Variants in CEP85L observed in about 807,000 individuals in gnomAD.
The protein encoded by CEP85L is centrosomal protein of 85 kDa-like.
CEP85L carries 60 observed loss-of-function variants against 100.3 expected under a neutral mutation model. That is an observed-to-expected ratio of 0.60 (90% CI 0.49 to 0.74). The LOEUF is 0.74. Ranked by LOEUF, CEP85L falls within the 30% of genes least tolerant of loss-of-function variation. CEP85L has a pLI of 0.00. For synonymous variants in CEP85L, 319 were observed against 322.7 expected (o/e 0.99, Z 0.12); for missense variants, 973 against 936.2 (o/e 1.04, Z -0.51).
intron 11 of CEP85L, 114 bp from the exon 12 acceptor site, chr6:118,469,417 A>C: frequency 2.7e-6 from 2 of 733,454 alleles, no homozygotes; most frequent in South Asian, 3.5e-5. Flanking sequence ...GAGTCATATT[A>C]TATGCACATT....
intron 3 of CEP85L, 172 bp downstream of exon 3, chr6:118,565,357 T>C (rs1779438573): frequency 1.6e-6 from 1 of 644,508 alleles, no homozygotes; most frequent in Non-Finnish European, 2.7e-6. Flanking sequence ...TCTCAAATGC[T>C]TTGCAAGTTT....
chr6:118,508,169 A>T (rs1775769038), intron 5 of CEP85L, among the ~76,000 whole-genome samples: 1 of 152,146 alleles, frequency 6.6e-6, no homozygotes, highest in South Asian at 2.1e-4. Flanking sequence ...GCTCATTTGC[A>T]AAGGTGGGAT....
intron 4 of CEP85L, among the ~76,000 whole-genome samples, chr6:118,518,359 T>C (rs1197314625): frequency 6.6e-6 from 1 of 152,218 alleles, no homozygotes; most frequent in Non-Finnish European, 1.5e-5. Context: ...CTGTCTGGTC[T>C]TGGACTTTTT....
chr6:118,578,965 G>T (rs901922294), intron 2 of CEP85L, among the ~76,000 whole-genome samples: 1 of 152,020 alleles, frequency 6.6e-6, no homozygotes. Context: ...GTGTGATCTT[G>T]GCTCACTGTA....
At chr6:118,467,511 T>C (rs1256130209) in intron 12 of CEP85L, among the ~76,000 whole-genome samples, 1 of 152,126 alleles carries the variant, frequency 6.6e-6, no homozygotes, top group African/African-American at 2.4e-5. Context: ...ATCAACTGGC[T>C]GGTAAAACTT....
chr6:118,651,091 C>T, intron 1 of CEP85L, 106 bp downstream of exon 1: 2 of 1,369,282 alleles, frequency 1.5e-6, no homozygotes, highest in Non-Finnish European at 1.9e-6. Flanking sequence ...GGGGAGGCGG[C>T]CGGGGTAAGA....
chr6:118,689,281 G>A (rs147139925), intron 1 of CEP85L, among the ~76,000 whole-genome samples: 70 of 152,240 alleles, frequency 4.6e-4, no homozygotes, highest in African/African-American at 1.7e-3. Flanking sequence ...TAAATTCTGA[G>A]TTCTTAACTT....
At chr6:118,554,896 C>T (rs1217298117) in intron 3 of CEP85L, among the ~76,000 whole-genome samples, 1 of 152,178 alleles carries the variant, frequency 6.6e-6, no homozygotes, top group Non-Finnish European at 1.5e-5. Flanking sequence ...TGACATGTTT[C>T]ATGTGACTGA....
At chr6:118,640,140 A>C (rs991391547) in intron 1 of CEP85L, among the ~76,000 whole-genome samples, 1 of 152,220 alleles carries the variant, frequency 6.6e-6, no homozygotes, top group Non-Finnish European at 1.5e-5. Flanking sequence ...AAAAACGTTC[A>C]TATTAACAGT....
chr6:118,496,318 A>G (rs1483442025), intron 5 of CEP85L, among the ~76,000 whole-genome samples: 1 of 149,898 alleles, frequency 6.7e-6, no homozygotes, highest in Non-Finnish European at 1.5e-5. Flanking sequence ...CATCTCTTAT[A>G]CACAGAAGTG....
chr6:118,632,949 A>G (rs1167232474), intron 1 of CEP85L, among the ~76,000 whole-genome samples: 1 of 152,210 alleles, frequency 6.6e-6, no homozygotes, highest in African/African-American at 2.4e-5. Flanking sequence ...GATAGGTGGC[A>G]TCTGTGATTA....
chr6:118,537,787 A>G (rs994723468), intron 3 of CEP85L: 20 of 985,206 alleles, frequency 2.0e-5, no homozygotes, highest in Middle Eastern at 1.0e-3. Context: ...AACCTCTGCA[A>G]TTCTTCAAGT....
At chr6:118,605,942 A>C (rs1334338141) in intron 2 of CEP85L, among the ~76,000 whole-genome samples, 2 of 147,544 alleles carry the variant, frequency 1.4e-5, no homozygotes, top group Non-Finnish European at 3.0e-5. Flanking sequence ...TGAACCCGGG[A>C]GGCAGAGGTT....
chr6:118,656,488 G>T (rs1049398850), upstream of CEP85L, among the ~76,000 whole-genome samples: 6 of 152,308 alleles, frequency 3.9e-5, no homozygotes, highest in South Asian at 4.1e-4. Context: ...TGGAGGAATT[G>T]ATCTGTGAGG....
chr6:118,594,341 G>A (rs1781351959), intron 2 of CEP85L, among the ~76,000 whole-genome samples: 1 of 152,024 alleles, frequency 6.6e-6, no homozygotes, highest in African/African-American at 2.4e-5. Context: ...GTATTCAAGA[G>A]CCCTACGATT....
chr6:118,551,483 G>A (rs1255933141), intron 3 of CEP85L, among the ~76,000 whole-genome samples: 1 of 142,892 alleles, frequency 7.0e-6, no homozygotes. Flanking sequence ...ACAGGGTTAA[G>A]AAGAATATTT....
chr6:118,513,689 A>G (rs559124555), intron 4 of CEP85L, among the ~76,000 whole-genome samples: 1 of 152,232 alleles, frequency 6.6e-6, no homozygotes, highest in Admixed American at 6.5e-5. Flanking sequence ...AAGGTTAAAT[A>G]AAGATCTTTT....
Position 118,483,765 on chromosome 6 carries a change from A to C in CEP85L, c.1531T>G (p.Leu511Val). The part of the protein sequence containing the change: ...NKEKQRRIET[L>V]EKYLADLPTL... ...GGAAGATCAGCCAGATACTTTTCCA[A>C]GGTCTCAATTCTTCTCTGCTTTTCT... The change falls in exon 7 of 13, where the codon TTG becomes GTG. Residue 511 changes from leucine (L) to valine (V), a missense_variant. By Grantham distance (32) the Leu-to-Val change is conservative (BLOSUM62 1). Coordinates refer to ENST00000368491, the MANE Select transcript of CEP85L (RefSeq NM_001042475.3). 4.3e-6 allele frequency: 7 copies of C among 1,613,876 alleles called. No homozygotes were observed. The highest frequency in any genetic ancestry group is 5.1e-6 in the Non-Finnish European group (6 of 1,179,838).
intron 2 of CEP85L, among the ~76,000 whole-genome samples, chr6:118,570,358 T>C (rs1421385898): frequency 6.6e-6 from 1 of 152,216 alleles, no homozygotes; most frequent in African/African-American, 2.4e-5. Context: ...ATTGTCTCAC[T>C]TTCCATATCA....
Sources: allele counts gnomAD v4.1 joint callset (sites outside exome capture counted in the v4.1 genomes callset), GRCh38; gene constraint gnomAD v4.1.1; transcripts MANE v1.5; gene names NCBI Gene and HGNC (gene_info 2026-07-23, HGNC 2026-07-21).